The following GLIPR2 variants were observed in gnomAD, a reference collection of about 807,000 sequenced individuals.
GLIPR2 encodes Golgi-associated plant pathogenesis-related protein 1.
A neutral mutation model predicts 20.4 loss-of-function variants in GLIPR2; 21 were observed. The observed-to-expected ratio is 1.03, with a 90% CI of 0.73 to 1.48. The LOEUF is 1.48. Ranked by LOEUF, GLIPR2 falls within the 40% of genes most tolerant of loss-of-function variation. The probability of loss-of-function intolerance (pLI) is 0.00; values close to 1 mark genes in which losing one functional copy is unlikely to be tolerated. For missense variants in GLIPR2, 205 were observed against 200.1 expected (o/e 1.02, Z -0.15); for synonymous variants, 91 against 80.5 (o/e 1.13, Z -0.70).
chr9:36,154,099 T>A (rs1239541786), intron 4 of GLIPR2, among the ~76,000 whole-genome samples: 2 of 111,850 alleles, frequency 1.8e-5, no homozygotes, highest in African/African-American at 6.6e-5. Context: ...ATATATATCT[T>A]TTCCCCCCCC....
At position 36,158,108 on chromosome 9, in the gene GLIPR2, C is replaced by T. The variant is rs868545390; in HGVS notation, c.305-4254C>T. Among the ~76,000 whole-genome samples the T allele has an allele frequency of 7.2e-5, 11 of 152,276 alleles. No individual in the cohort carries two copies. The East Asian group carries it at 9.7e-4, about 13-fold the overall frequency. ...GATTACAGGCGTGAGCCACTGCGCCCGACCGGGCTATGTGACTTTGGGCCA... is the reference window on the plus strand; with the variant it reads ...GATTACAGGCGTGAGCCACTGCGCCTGACCGGGCTATGTGACTTTGGGCCA... On this transcript the variant is annotated intron_variant, in intron 4 of 4. Transcript: ENST00000377960.
At chr9:36,148,741 G>A (rs1462100494) in intron 3 of GLIPR2, 91 bp downstream of exon 3, 2 of 823,746 alleles carry the variant, frequency 2.4e-6, no homozygotes, top group Non-Finnish European at 4.1e-6. Context: ...GCACCCTCGT[G>A]GTGTAGCCAC....
intron 4 of GLIPR2, among the ~76,000 whole-genome samples, chr9:36,156,909 A>G (rs576749033): frequency 6.6e-6 from 1 of 152,346 alleles, no homozygotes; most frequent in South Asian, 2.1e-4. Context: ...ATGGAATCAT[A>G]CAATATTTGC....
upstream of GLIPR2, chr9:36,136,724 C>T (rs1198222605): frequency 6.8e-6 from 8 of 1,182,708 alleles, no homozygotes; most frequent in South Asian, 3.7e-5. The surrounding 1 kb of genome is among the most constrained non-coding windows in gnomAD (Gnocchi z 4.3). Flanking sequence ...GGCGCTGGGC[C>T]GGGCGAGCGC....
intron 4 of GLIPR2, among the ~76,000 whole-genome samples, chr9:36,155,726 G>T (rs1825800451): frequency 6.6e-6 from 1 of 152,158 alleles, no homozygotes; most frequent in African/African-American, 2.4e-5. Context: ...TAAAGAACTA[G>T]AAGAGTGTGT....
At position 36,136,852 on chromosome 9, in the gene GLIPR2, C is replaced by T. The variant is rs1824841969; in HGVS notation, c.13+61C>T. The T allele has an allele frequency of 8.7e-6, 11 of 1,258,420 alleles. No homozygotes were observed. The highest frequency in any genetic ancestry group is 1.1e-5 in the Non-Finnish European group (11 of 1,000,842). The allele number at this position is 1,258,420 out of a possible 1,614,324, so 78.0% of individuals were successfully genotyped here. ...GGAACCCCGCGCTCCCGGACCTCGCCGTCTCCCTCGTCCGCCGCAAGCCAG... is the reference window on the plus strand; with the variant it reads ...GGAACCCCGCGCTCCCGGACCTCGCTGTCTCCCTCGTCCGCCGCAAGCCAG... On this transcript the variant is annotated intron_variant, in intron 1 of 4. Coordinates refer to ENST00000377960, the MANE Select transcript of GLIPR2 (RefSeq NM_022343.4). This position sits in a 1 kb window ranked among gnomAD's most constrained non-coding sequence, Gnocchi z 4.3.
At chr9:36,140,357 G>A (rs1825018416) in intron 1 of GLIPR2, among the ~76,000 whole-genome samples, 1 of 152,194 alleles carries the variant, frequency 6.6e-6, no homozygotes, top group African/African-American at 2.4e-5. Context: ...GAAGCTGTGT[G>A]GGCCAGGCCA....
intron 4 of GLIPR2, among the ~76,000 whole-genome samples, chr9:36,161,035 T>C (rs903879739): frequency 6.6e-6 from 1 of 151,318 alleles, no homozygotes; most frequent in African/African-American, 2.4e-5. Flanking sequence ...AGGGTGAGAC[T>C]CGTCTCAAAA....
At chr9:36,158,182 C>G (rs1171804578) in intron 4 of GLIPR2, among the ~76,000 whole-genome samples, 1 of 152,138 alleles carries the variant, frequency 6.6e-6, no homozygotes, top group African/African-American at 2.4e-5. Context: ...TATCTGAATC[C>G]CTGCTTTCAG....
chr9:36,149,040 T>A (rs1306319248), intron 3 of GLIPR2, among the ~76,000 whole-genome samples: 1 of 152,250 alleles, frequency 6.6e-6, no homozygotes, highest in Non-Finnish European at 1.5e-5. Context: ...GAAATTTTAC[T>A]TTCTTACCGT....
chr9:36,156,736 C>T (rs574230650), intron 4 of GLIPR2, among the ~76,000 whole-genome samples: 2 of 152,262 alleles, frequency 1.3e-5, no homozygotes, highest in South Asian at 4.1e-4. Context: ...GGAGCATGAA[C>T]CCTATTATGA....
In GLIPR2 at chr9:36,136,824, T is replaced by C; in HGVS notation, c.13+33T>C. On this transcript the variant is annotated intron_variant, in intron 1 of 4. Transcript: ENST00000377960. This position sits in a 1 kb window ranked among gnomAD's most constrained non-coding sequence, Gnocchi z 4.3. ...CGCGGGCTCGCCCGCTGCGGAATGG[T>C]TCGGAACCCCGCGCTCCCGGACCTC... 2.3e-6 allele frequency: 3 copies of C among 1,279,106 alleles called. No individual in the cohort carries two copies. The highest frequency in any genetic ancestry group is 3.0e-6 in the Non-Finnish European group (3 of 1,013,606). The allele number at this position is 1,279,106 out of a possible 1,614,324, so 79.2% of individuals were successfully genotyped here. A position where few individuals can be genotyped will look rare whatever the true frequency, so the allele number is the denominator to read the frequency against.
intron 4 of GLIPR2, among the ~76,000 whole-genome samples, chr9:36,157,703 C>T (rs1478078613): frequency 2.1e-5 from 3 of 142,618 alleles, no homozygotes; most frequent in African/African-American, 5.1e-5. Flanking sequence ...CACACACACA[C>T]ACACACACAC....
rs1826131318 is a variant in GLIPR2, at chr9:36,163,047, A to G, written c.*525A>G. On this transcript the variant is annotated 3_prime_UTR_variant, in exon 5 of 5. Coordinates refer to ENST00000377960, the MANE Select transcript of GLIPR2 (RefSeq NM_022343.4). ...GGAACATGGAGCAGGCAGGGACTCCATTTTACAGAATTACTGAGATTTCTC... is the reference window on the plus strand; with the variant it reads ...GGAACATGGAGCAGGCAGGGACTCCGTTTTACAGAATTACTGAGATTTCTC... The G allele has an allele frequency of 3.4e-5, 12 of 354,796 alleles. No homozygotes were observed. Among genetic ancestry groups the G allele is most frequent in the South Asian group, 2.5e-4 (12 of 47,456 alleles). 22.0% of individuals were successfully genotyped at this position (354,796 alleles called of 1,614,324 possible). A position where few individuals can be genotyped will look rare whatever the true frequency, so the allele number is the denominator to read the frequency against.
At chr9:36,157,711 CACATAT>C (rs59961918) in intron 4 of GLIPR2, among the ~76,000 whole-genome samples, 27,581 of 148,236 alleles carry the variant, frequency 0.19, 2,537 homozygotes, top group South Asian at 0.26. Context: ...CACACACACA[CACATAT>C]ATATATACAC....
chr9:36,140,670 ACAT>A (rs1261979617), intron 1 of GLIPR2, among the ~76,000 whole-genome samples: 4 of 152,210 alleles, frequency 2.6e-5, no homozygotes, highest in South Asian at 2.1e-4. Context: ...CTCGTCATAG[ACAT>A]CATTCTTGCC....
chr9:36,149,224 C>A (rs1166940661), intron 3 of GLIPR2, among the ~76,000 whole-genome samples: 1 of 152,226 alleles, frequency 6.6e-6, no homozygotes, highest in Non-Finnish European at 1.5e-5. Flanking sequence ...AGCTTCCTGG[C>A]CCTCTGGCCC....
At position 36,141,195 on chromosome 9, in the gene GLIPR2, G is replaced by A. The variant is rs185188637; in HGVS notation, c.13+4404G>A. Among the ~76,000 whole-genome samples, 190 of 152,282 alleles carry A rather than the reference G, an allele frequency of 1.2e-3. 1 individual carries two copies. Among genetic ancestry groups the A allele is most frequent in the African/African-American group, 4.0e-3 (167 of 41,544 alleles). On this transcript the variant is annotated intron_variant, in intron 1 of 4. Coordinates refer to ENST00000377960, the MANE Select transcript of GLIPR2 (RefSeq NM_022343.4). Reference sequence around the variant, plus strand: ...GCAGCCTTGTGAGGTAGATACTGCTGTTCTCATTTTATGTATGGGGAAAGG... The same window carrying A: ...GCAGCCTTGTGAGGTAGATACTGCTATTCTCATTTTATGTATGGGGAAAGG...
Position 36,136,840 on chromosome 9 carries a change from C to T in GLIPR2, c.13+49C>T, listed in dbSNP as rs747617207. On this transcript the variant is annotated intron_variant, in intron 1 of 4. Transcript: ENST00000377960. The surrounding 1 kb of genome is among the most constrained non-coding windows in gnomAD (Gnocchi z 4.3). ...GCGGAATGGTTCGGAACCCCGCGCT[C>T]CCGGACCTCGCCGTCTCCCTCGTCC... 1.7e-4 allele frequency: 213 copies of T among 1,263,772 alleles called. 1 individual carries two copies. Among genetic ancestry groups the T allele is most frequent in the Admixed American group, 8.0e-4 (19 of 23,732 alleles). The allele number at this position is 1,263,772 out of a possible 1,614,324, so 78.3% of individuals were successfully genotyped here.
Sources: gnomAD v4.1 joint callset for allele counts (sites outside exome capture counted in the v4.1 genomes callset) on GRCh38, gnomAD v4.1.1 for gene constraint, Gnocchi (gnomAD v3.1) non-coding constraint, MANE v1.5 for transcripts, NCBI Gene and HGNC (gene_info 2026-07-23, HGNC 2026-07-21) for gene names.